Variants in KMT5B observed in about 807,000 individuals in gnomAD.
KMT5B encodes the protein lysine methyltransferase 5B.
In KMT5B, 10 loss-of-function variants were observed where a neutral mutation model predicts 83.2. The ratio of observed to expected loss-of-function variants is 0.12; its 90% confidence interval spans 0.07 to 0.20. The LOEUF is 0.20. Among genes scored for constraint, KMT5B ranks in the 10% least tolerant of loss-of-function variants. The pLI is 1.00. For synonymous variants in KMT5B, 349 were observed against 388.8 expected (o/e 0.90, Z 1.20); for missense variants, 753 against 1,067.2 (o/e 0.71, Z 4.10).
chr11:68,210,246 T>TGGG (rs71043405), intron 1 of KMT5B, among the ~76,000 whole-genome samples: 5 of 149,432 alleles, frequency 3.3e-5, no homozygotes, highest in East Asian at 2.0e-4. Context: ...AATCAAGCTT[T>TGGG]GGGGGGGGGG....
intron 10 of KMT5B, among the ~76,000 whole-genome samples, chr11:68,161,590 GACA>G (rs1408103944): frequency 2.6e-5 from 4 of 152,144 alleles, no homozygotes; most frequent in East Asian, 1.9e-4. Context: ...TTGGTGATCT[GACA>G]ACTTCTTGTC....
chr11:68,165,728 C>G (rs1018684122), intron 10 of KMT5B: 15 of 1,409,282 alleles, frequency 1.1e-5, no homozygotes, highest in African/African-American at 1.5e-5. Context: ...GGTCGTTATG[C>G]TGCATTTATT....
At chr11:68,169,805 T>C (rs540986224) in intron 9 of KMT5B, among the ~76,000 whole-genome samples, 1 of 152,364 alleles carries the variant, frequency 6.6e-6, no homozygotes, top group Admixed American at 6.5e-5. Flanking sequence ...TGAACTATAA[T>C]TAAACTACTT....
intron 1 of KMT5B, among the ~76,000 whole-genome samples, chr11:68,209,095 CT>C (rs745691675): frequency 1.2e-4 from 18 of 152,156 alleles, no homozygotes; most frequent in Non-Finnish European, 2.1e-4. Context: ...GATTGGTTTT[CT>C]TACTAAAAAT....
intron 1 of KMT5B, among the ~76,000 whole-genome samples, chr11:68,194,512 C>T (rs753726587): frequency 1.3e-5 from 2 of 152,044 alleles, no homozygotes; most frequent in African/African-American, 2.4e-5. Context: ...AAAATTATAG[C>T]CTACTATCAC....
chr11:68,175,511 T>C (rs1356508749), intron 4 of KMT5B, among the ~76,000 whole-genome samples: 1 of 152,210 alleles, frequency 6.6e-6, no homozygotes, highest in Non-Finnish European at 1.5e-5. Context: ...GAGCAGACGA[T>C]TCAAACAAAA....
intron 2 of KMT5B, among the ~76,000 whole-genome samples, chr11:68,186,661 G>A (rs1857465631): frequency 6.6e-6 from 1 of 152,214 alleles, no homozygotes. Flanking sequence ...TGAAGGCCAA[G>A]TTTGTAAGAA....
chr11:68,164,553 A>G (rs1395341654), intron 10 of KMT5B: 2 of 448,082 alleles, frequency 4.5e-6, no homozygotes, highest in Non-Finnish European at 9.0e-6. Context: ...ACATGACTTA[A>G]CATACAATGG....
intron 1 of KMT5B, among the ~76,000 whole-genome samples, chr11:68,207,288 GA>G (rs1860249325): frequency 2.0e-5 from 3 of 151,746 alleles, no homozygotes; most frequent in Non-Finnish European, 4.4e-5. Flanking sequence ...CTGGACTACA[GA>G]GCTTCTTACA....
At position 68,155,617 on chromosome 11, in the gene KMT5B, C is replaced by T. The variant is rs896334135; in HGVS notation, c.*2071G>A. 6 of 152,270 alleles carry T rather than the reference C, an allele frequency of 3.9e-5. No homozygotes were observed. The highest frequency in any genetic ancestry group is 3.9e-4 in the East Asian group (2 of 5,192). The allele number at this position is 152,270 out of a possible 1,614,324, so 9.4% of individuals were successfully genotyped here. On this transcript the variant is annotated 3_prime_UTR_variant, in exon 11 of 11. Coordinates refer to ENST00000304363, the MANE Select transcript of KMT5B (RefSeq NM_017635.5). ...TAAGGTGGGAATACAAGAGGTGACC[C>T]GCTGCCCTCCAGCACCTCCAGACAC... is the stretch of plus-strand genomic sequence containing the variant.
chr11:68,166,931 T>C (rs1316625126), intron 10 of KMT5B, 51 bp downstream of exon 10: 3 of 1,603,172 alleles, frequency 1.9e-6, no homozygotes, highest in Non-Finnish European at 1.7e-6. Flanking sequence ...ATAAAGCAAA[T>C]TGTGTGAAAA....
At chr11:68,183,316 CA>C (rs938806708) in intron 3 of KMT5B, among the ~76,000 whole-genome samples, 1 of 148,594 alleles carries the variant, frequency 6.7e-6, no homozygotes, top group Non-Finnish European at 1.5e-5. Context: ...GTTCAATGGG[CA>C]AAAAAAAAGA....
At chr11:68,193,179 T>C (rs1178479911) in intron 1 of KMT5B, among the ~76,000 whole-genome samples, 1 of 152,126 alleles carries the variant, frequency 6.6e-6, no homozygotes, top group Non-Finnish European at 1.5e-5. Flanking sequence ...CTCCTTCAAT[T>C]TGCAAATGAA....
chr11:68,197,435 C>T (rs1229689519), intron 1 of KMT5B, among the ~76,000 whole-genome samples: 3 of 151,744 alleles, frequency 2.0e-5, no homozygotes, highest in Non-Finnish European at 2.9e-5. Flanking sequence ...CATGTTAGGG[C>T]AAAGAATAGA....
intron 10 of KMT5B, among the ~76,000 whole-genome samples, chr11:68,164,411 G>C (rs561144578): frequency 6.6e-6 from 1 of 152,354 alleles, no homozygotes; most frequent in African/African-American, 2.4e-5. Context: ...GGGACTGGCA[G>C]TGCTGGCTTT....
At chr11:68,203,369 T>C (rs182939986) in intron 1 of KMT5B, among the ~76,000 whole-genome samples, 2 of 152,360 alleles carry the variant, frequency 1.3e-5, no homozygotes, top group East Asian at 1.9e-4. Flanking sequence ...CTGCTACACA[T>C]AAGCAGAATC....
intron 2 of KMT5B, among the ~76,000 whole-genome samples, chr11:68,186,894 A>G (rs1857484788): frequency 6.6e-6 from 1 of 152,232 alleles, no homozygotes; most frequent in Admixed American, 6.5e-5. Context: ...TGATTTTGCA[A>G]TCAAATTAGT....
chr11:68,155,059 C>T lies in KMT5B; in HGVS notation c.*2629G>A, dbSNP rs1309213861. 6.6e-6 allele frequency: 1 copy of T among 152,184 alleles called. No individual in the cohort carries two copies. The highest frequency in any genetic ancestry group is 1.5e-5 in the Non-Finnish European group (1 of 68,036). The allele number at this position is 152,184 out of a possible 1,614,324, so 9.4% of individuals were successfully genotyped here. A position where few individuals can be genotyped will look rare whatever the true frequency, so the allele number is the denominator to read the frequency against. ...ACAACTCAGCAAAAACAATTTATAA[C>T]AGTAATTTGAAAATGATTGAAAATT... On this transcript the variant is annotated 3_prime_UTR_variant, in exon 11 of 11. Transcript: ENST00000304363.
intron 1 of KMT5B, among the ~76,000 whole-genome samples, chr11:68,197,060 T>C (rs1323778336): frequency 6.6e-6 from 1 of 152,020 alleles, no homozygotes; most frequent in Non-Finnish European, 1.5e-5. Context: ...AACCTCTGCT[T>C]CCTGGGTTCA....
Sources: gnomAD v4.1 joint callset for allele counts (sites outside exome capture counted in the v4.1 genomes callset) on GRCh38, gnomAD v4.1.1 for gene constraint, MANE v1.5 for transcripts, NCBI Gene and HGNC (gene_info 2026-07-23, HGNC 2026-07-21) for gene names.